Variants in OTUB2 observed in about 807,000 individuals in gnomAD.
OTUB2 encodes ubiquitin thioesterase OTUB2.
OTUB2 carries 21 observed loss-of-function variants against 25.1 expected under a neutral mutation model. The observed-to-expected ratio is 0.84, with a 90% CI of 0.59 to 1.21. The LOEUF is 1.21. Among genes scored for constraint, OTUB2 ranks in the 50% most tolerant of loss-of-function variants. The probability of loss-of-function intolerance (pLI) is 0.00; values close to 1 mark genes in which losing one functional copy is unlikely to be tolerated. For synonymous variants in OTUB2, 122 were observed against 122.8 expected, an observed-to-expected ratio of 0.99 and a Z score of 0.04; for missense variants, 283 against 298.0, an observed-to-expected ratio of 0.95 and a Z score of 0.37.
Position 94,039,339 on chromosome 14 carries a change from GC to G in OTUB2, c.218+261del, listed in dbSNP as rs1885116029. The G allele has an allele frequency of 3.0e-5, 16 of 536,562 alleles. No homozygotes were observed. The Admixed American group carries it at 4.8e-4, about 16-fold the overall frequency. 33.2% of individuals were successfully genotyped at this position (536,562 alleles called of 1,614,324 possible). ...CTGCTTCCACCACAGGCCTGGGTCA[GC>G]CCAGGTGAGTCGCAGGGAGCAGGTA... On this transcript the variant is annotated intron_variant, in intron 3 of 5. Transcript: ENST00000203664.
chr14:94,040,383 C>T (rs74712407), intron 3 of OTUB2, among the ~76,000 whole-genome samples: 3,755 of 152,304 alleles, frequency 0.025, 73 homozygotes, highest in Non-Finnish European at 0.038. Flanking sequence ...CATTTCCCCA[C>T]GACCCATGTC....
At position 94,044,614 on chromosome 14, in the gene OTUB2, A is replaced by G. The variant is rs1309125032; in HGVS notation, c.332A>G (p.Lys111Arg). ...AFYSVVELVE[K>R]DGSVSSLLKV... is the part of the protein sequence containing the mutation. ...TACAGTGTGGTGGAACTGGTAGAGA[A>G]GGATGGCTCAGTGTCCAGCCTGCTG... Residue 111 changes from lysine (K) to arginine (R), a missense_variant, in exon 5 of 6, where the codon AAG (lysine) becomes AGG (arginine). By Grantham distance (26) the Lys-to-Arg change is conservative. Coordinates refer to ENST00000203664, the MANE Select transcript of OTUB2 (RefSeq NM_023112.4). The G allele has an allele frequency of 6.2e-7, 1 of 1,614,022 alleles. No individual in the cohort carries two copies. The highest frequency in any genetic ancestry group is 8.5e-7 in the Non-Finnish European group (1 of 1,179,936).
chr14:94,026,480 T>A lies in OTUB2; in HGVS notation c.-58T>A. ...GAGCCCGCCCGCGCCTCCCGCGGCATTCCCGCACCGGATCGCTCCTCGCTG... is the reference window on the plus strand; with the variant it reads ...GAGCCCGCCCGCGCCTCCCGCGGCAATCCCGCACCGGATCGCTCCTCGCTG... On this transcript the variant is annotated 5_prime_UTR_variant, in exon 1 of 6. Coordinates refer to ENST00000203664, the MANE Select transcript of OTUB2 (RefSeq NM_023112.4). 7.5e-7 allele frequency: 1 copy of A among 1,327,712 alleles called. No homozygotes were observed. The highest frequency in any genetic ancestry group is 9.7e-7 in the Non-Finnish European group (1 of 1,033,582). The allele number at this position is 1,327,712 out of a possible 1,614,324, so 82.2% of individuals were successfully genotyped here.
chr14:94,033,157 G>A (rs575674517), intron 1 of OTUB2, among the ~76,000 whole-genome samples: 5 of 152,024 alleles, frequency 3.3e-5, no homozygotes, highest in South Asian at 2.1e-4. Context: ...TGATCCGCCC[G>A]CCTCAGCCTC....
Position 94,026,510 on chromosome 14 carries a change from G to T in OTUB2, c.-28G>T. On this transcript the variant is annotated 5_prime_UTR_variant, in exon 1 of 6. Coordinates refer to ENST00000203664, the MANE Select transcript of OTUB2 (RefSeq NM_023112.4). ...GCACCGGATCGCTCCTCGCTGGGGC[G>T]GGACCTGGCCTGGCGGCTCTGGTCA... 1 of 1,301,260 alleles carries T rather than the reference G, an allele frequency of 7.7e-7. No homozygotes were observed. The highest frequency in any genetic ancestry group is 9.8e-7 in the Non-Finnish European group (1 of 1,019,124). The allele number at this position is 1,301,260 out of a possible 1,614,324, so 80.6% of individuals were successfully genotyped here. A position where few individuals can be genotyped will look rare whatever the true frequency, so the allele number is the denominator to read the frequency against.
intron 2 of OTUB2, 85 bp from the exon 3 acceptor site, chr14:94,038,878 G>A: frequency 8.6e-7 from 1 of 1,166,032 alleles, no homozygotes; most frequent in Admixed American, 1.7e-5. Flanking sequence ...TGGGAGAGAT[G>A]GGGGGCACCT....
At chr14:94,036,930 C>T (rs77877565) in intron 1 of OTUB2, among the ~76,000 whole-genome samples, 12,992 of 152,170 alleles carry the variant, frequency 0.085, 755 homozygotes, top group Non-Finnish European at 0.12. Flanking sequence ...AGACGTCCTT[C>T]CTTCTGTATT....
intron 1 of OTUB2, among the ~76,000 whole-genome samples, chr14:94,032,697 A>G (rs1293826852): frequency 6.6e-6 from 1 of 152,216 alleles, no homozygotes; most frequent in Non-Finnish European, 1.5e-5. Context: ...CAGGTTATGT[A>G]TGTTTTACCA....
chr14:94,044,187 G>A, intron 4 of OTUB2, 132 bp downstream of exon 4: 3 of 921,772 alleles, frequency 3.3e-6, no homozygotes, highest in Non-Finnish European at 5.3e-6. Flanking sequence ...CTGCTTGTGG[G>A]GGTGTGTGGG....
chr14:94,035,341 G>A (rs1885034802), intron 1 of OTUB2, among the ~76,000 whole-genome samples: 1 of 142,212 alleles, frequency 7.0e-6, no homozygotes, highest in Non-Finnish European at 1.5e-5. Context: ...CCAGGCTGGA[G>A]TGCAGTGGTG....
intron 3 of OTUB2, chr14:94,039,362 G>T (rs1220701850): frequency 1.3e-5 from 6 of 474,942 alleles, no homozygotes; most frequent in African/African-American, 2.0e-5. Flanking sequence ...GCAGGGAGCA[G>T]GTACTTCGTG....
chr14:94,045,761 G>T lies in OTUB2; in HGVS notation c.544G>T (p.Ala182Ser), dbSNP rs1885261874. The change falls in exon 6 of 6, where the codon GCG becomes TCG. Residue 182 changes from alanine (A) to serine (S), a missense_variant. Coordinates refer to ENST00000203664, the MANE Select transcript of OTUB2 (RefSeq NM_023112.4). The stretch of plus-strand genomic sequence containing the variant: ...GGAGTGTGACCACATCCAGATCACG[G>T]CGTTGTCGCAGGCCCTGAGCATTGC... ...ATECDHIQIT[A>S]LSQALSIALQ... The T allele has an allele frequency of 6.2e-7, 1 of 1,614,088 alleles. No individual in the cohort carries two copies. The highest frequency in any genetic ancestry group is 1.1e-5 in the South Asian group (1 of 91,090).
intron 2 of OTUB2, among the ~76,000 whole-genome samples, chr14:94,038,245 C>T (rs191407625): frequency 4.6e-5 from 7 of 152,334 alleles, no homozygotes; most frequent in African/African-American, 1.2e-4. Flanking sequence ...AACGCCGCTG[C>T]GGGGCACTTC....
At position 94,046,329 on chromosome 14, in the gene OTUB2, G is replaced by A; in HGVS notation, c.*407G>A. 7.3e-6 allele frequency: 2 copies of A among 275,220 alleles called. No homozygotes were observed. The highest frequency in any genetic ancestry group is 4.8e-5 in the South Asian group (1 of 20,996). The allele number at this position is 275,220 out of a possible 1,614,324, so 17.0% of individuals were successfully genotyped here. A position where few individuals can be genotyped will look rare whatever the true frequency, so the allele number is the denominator to read the frequency against. On this transcript the variant is annotated 3_prime_UTR_variant, in exon 6 of 6. Transcript: ENST00000203664. ...GCGGGGGAGGAAAAGCTCAAGGTTA[G>A]CTGTCTTAACCCAAGTGACTTACCA...
chr14:94,030,729 G>A (rs8014996), intron 1 of OTUB2, among the ~76,000 whole-genome samples: 42,769 of 151,588 alleles, frequency 0.28, 7,820 homozygotes, highest in African/African-American at 0.52. Context: ...GACTTGGCAG[G>A]TGGGATTCCG....
intron 1 of OTUB2, among the ~76,000 whole-genome samples, chr14:94,034,711 C>G (rs1254099203): frequency 6.6e-6 from 1 of 152,218 alleles, no homozygotes; most frequent in African/African-American, 2.4e-5. Flanking sequence ...AGATCATCTT[C>G]CATGTGTTGA....
chr14:94,033,104 G>A (rs553309628), intron 1 of OTUB2, among the ~76,000 whole-genome samples: 1 of 152,246 alleles, frequency 6.6e-6, no homozygotes, highest in East Asian at 1.9e-4. Context: ...TGGAGACGGA[G>A]TTTTGCCATG....
intron 5 of OTUB2, 62 bp from the exon 6 acceptor site, chr14:94,045,654 C>A: frequency 6.6e-7 from 1 of 1,517,526 alleles, no homozygotes; most frequent in Non-Finnish European, 9.0e-7. Context: ...CAGAGCTGAA[C>A]TCACTTGTCC....
chr14:94,043,169 CT>C (rs1444281653), intron 3 of OTUB2, among the ~76,000 whole-genome samples: 1 of 152,256 alleles, frequency 6.6e-6, no homozygotes, highest in East Asian at 1.9e-4. Flanking sequence ...ACAGCACCTT[CT>C]GAGGTGGCCC....
Sources: allele counts gnomAD v4.1 joint callset (sites outside exome capture counted in the v4.1 genomes callset), GRCh38; gene constraint gnomAD v4.1.1; transcripts MANE v1.5; gene names NCBI Gene and HGNC (gene_info 2026-07-23, HGNC 2026-07-21).